The following FSHR variants were observed in gnomAD, a reference collection of about 807,000 sequenced individuals.
The protein encoded by FSHR is follicle-stimulating hormone receptor.
FSHR carries 46 observed loss-of-function variants against 52.1 expected under a neutral mutation model. The ratio of observed to expected loss-of-function variants is 0.88; its 90% CI spans 0.70 to 1.13. FSHR has a LOEUF of 1.13. FSHR is among the 50% of genes most tolerant of loss of function. The pLI is 0.00. For missense variants in FSHR, 964 were observed against 834.6 expected, an observed-to-expected ratio of 1.16 and a Z score of -1.91; for synonymous variants, 399 against 309.6, an observed-to-expected ratio of 1.29 and a Z score of -3.03.
At chr2:48,973,079 A>G (rs1380157138) in intron 8 of FSHR, among the ~76,000 whole-genome samples, 2 of 152,216 alleles carry the variant, frequency 1.3e-5, no homozygotes, top group Non-Finnish European at 2.9e-5. Flanking sequence ...GTTGCTATTC[A>G]TTATAGATCT....
intron 4 of FSHR, among the ~76,000 whole-genome samples, chr2:49,002,518 G>GA (rs1337304666): frequency 6.6e-6 from 1 of 152,100 alleles, no homozygotes; most frequent in Non-Finnish European, 1.5e-5. Flanking sequence ...TAGTCATGGA[G>GA]AAAGGGGGAG....
At chr2:49,106,187 G>A (rs933308019) in intron 1 of FSHR, among the ~76,000 whole-genome samples, 3 of 152,150 alleles carry the variant, frequency 2.0e-5, no homozygotes. Context: ...ACCTTTAAAA[G>A]GAGGCAAGCC....
At chr2:49,019,158 A>G (rs148244357) in intron 3 of FSHR, among the ~76,000 whole-genome samples, 3 of 152,336 alleles carry the variant, frequency 2.0e-5, no homozygotes, top group Admixed American at 1.3e-4. Context: ...CAAACACACA[A>G]TATCCTTCTT....
At chr2:49,119,503 C>G (rs981220893) in intron 1 of FSHR, among the ~76,000 whole-genome samples, 1 of 151,920 alleles carries the variant, frequency 6.6e-6, no homozygotes, top group African/African-American at 2.4e-5. Context: ...TTCAATTTAT[C>G]CAGCACCTGA....
At chr2:49,000,610 G>T (rs1666834907) in intron 4 of FSHR, among the ~76,000 whole-genome samples, 1 of 152,168 alleles carries the variant, frequency 6.6e-6, no homozygotes, top group Non-Finnish European at 1.5e-5. Flanking sequence ...CATTGGGCAT[G>T]AAAGTAGTGT....
At chr2:49,094,997 A>G (rs1670768126) in intron 1 of FSHR, among the ~76,000 whole-genome samples, 1 of 152,146 alleles carries the variant, frequency 6.6e-6, no homozygotes, top group Non-Finnish European at 1.5e-5. Context: ...GGATTATGTG[A>G]ATACTATGTA....
chr2:49,081,311 A>T (rs1472387793), intron 1 of FSHR, among the ~76,000 whole-genome samples: 2 of 152,188 alleles, frequency 1.3e-5, no homozygotes, highest in Non-Finnish European at 2.9e-5. Flanking sequence ...CACTTCTGTG[A>T]CAAGAAGTAC....
chr2:49,058,183 G>T (rs995711679), intron 2 of FSHR, among the ~76,000 whole-genome samples: 3 of 152,150 alleles, frequency 2.0e-5, no homozygotes, highest in Non-Finnish European at 4.4e-5. Context: ...TTGGGCAAGA[G>T]GAAGAAATGA....
At chr2:49,123,480 C>G (rs1427246072) in intron 1 of FSHR, among the ~76,000 whole-genome samples, 1 of 152,020 alleles carries the variant, frequency 6.6e-6, no homozygotes, top group African/African-American at 2.4e-5. Flanking sequence ...GGGTGAGACC[C>G]TGTCTCAAAT....
chr2:48,979,175 T>G (rs1333340263), intron 8 of FSHR, among the ~76,000 whole-genome samples: 1 of 152,128 alleles, frequency 6.6e-6, no homozygotes, highest in Non-Finnish European at 1.5e-5. Flanking sequence ...CTGGGTGTTA[T>G]GACTCACGCC....
At chr2:49,021,801 G>C (rs1169258187) in intron 2 of FSHR, among the ~76,000 whole-genome samples, 1 of 143,336 alleles carries the variant, frequency 7.0e-6, no homozygotes, top group Non-Finnish European at 1.5e-5. Context: ...CATTTGCACA[G>C]TTGAACATAA....
intron 4 of FSHR, among the ~76,000 whole-genome samples, chr2:48,990,981 C>G (rs903300741): frequency 3.9e-5 from 6 of 152,008 alleles, no homozygotes; most frequent in Non-Finnish European, 7.4e-5. Flanking sequence ...TATTTCCAAC[C>G]TCATCATACT....
In FSHR at chr2:48,999,723, A is replaced by G. The variant is rs1676173637; in HGVS notation, c.375-9086T>C. Among the ~76,000 whole-genome samples, 3 of 152,246 alleles carry G rather than the reference A, an allele frequency of 2.0e-5. No individual in the cohort carries two copies. The South Asian group carries it at 6.2e-4, about 32-fold the overall frequency. The stretch of plus-strand genomic sequence containing the variant: ...TACGTTTAGGGAATGCTGGGTTAAT[A>G]AGGTTAATTAAGCAGCTTGTTTCCT... On this transcript the variant is annotated intron_variant, in intron 4 of 9. Transcript: ENST00000406846.
At chr2:49,153,395 C>G (rs1438472008) in intron 1 of FSHR, among the ~76,000 whole-genome samples, 1 of 151,876 alleles carries the variant, frequency 6.6e-6, no homozygotes, top group Non-Finnish European at 1.5e-5. Context: ...CTCACTGTTG[C>G]TCTAATGGAG....
Position 48,962,840 on chromosome 2 carries a change from T to C in FSHR, c.1981A>G (p.Thr661Ala). 8 of 1,614,160 alleles carry C rather than the reference T, an allele frequency of 5.0e-6. No homozygotes were observed. Among genetic ancestry groups the C allele is most frequent in the Non-Finnish European group, 6.8e-6 (8 of 1,180,010 alleles). Residue 661 changes from threonine to alanine, a missense_variant, in exon 10 of 10, where the codon ACT becomes GCT. Coordinates refer to ENST00000406846, the MANE Select transcript of FSHR (RefSeq NM_000145.4). ...AQIYRTETSS[T>A]VHNTHPRNGH... ...TTCCTTGGATGGGTGTTGTGGACAG[T>C]GGATGAAGTTTCTGTCCTATAAATT...
At chr2:49,105,824 G>A (rs1671201183) in intron 1 of FSHR, among the ~76,000 whole-genome samples, 1 of 152,032 alleles carries the variant, frequency 6.6e-6, no homozygotes, top group Admixed American at 6.6e-5. Context: ...TCCACCATGT[G>A]AGGCTGGCTG....
At chr2:49,085,677 G>A (rs1184825614) in intron 1 of FSHR, among the ~76,000 whole-genome samples, 1 of 151,006 alleles carries the variant, frequency 6.6e-6, no homozygotes, top group Non-Finnish European at 1.5e-5. Flanking sequence ...ATGTTTATTG[G>A]GGCACTATTC....
chr2:49,071,654 T>C (rs1669736310), intron 1 of FSHR, among the ~76,000 whole-genome samples: 1 of 151,988 alleles, frequency 6.6e-6, no homozygotes, highest in Non-Finnish European at 1.5e-5. Context: ...TGAAACTAAG[T>C]AATTTATAAA....
At chr2:49,064,517 C>T (rs1044366580) in intron 2 of FSHR, among the ~76,000 whole-genome samples, 4 of 152,062 alleles carry the variant, frequency 2.6e-5, no homozygotes, top group Non-Finnish European at 5.9e-5. Flanking sequence ...ATGCTGGAGA[C>T]TTGATTTTGG....
Sources: gnomAD v4.1 joint callset for allele counts (sites outside exome capture counted in the v4.1 genomes callset) on GRCh38, gnomAD v4.1.1 for gene constraint, MANE v1.5 for transcripts, NCBI Gene and HGNC (gene_info 2026-07-23, HGNC 2026-07-21) for gene names.